The following RALGPS2 variants were observed in gnomAD, a reference collection of about 807,000 sequenced individuals.
RALGPS2 encodes the protein Ral GEF with PH domain and SH3 binding motif 2, also known as ras-specific guanine nucleotide-releasing factor RalGPS2.
Under a neutral mutation model 86.8 loss-of-function variants are expected in RALGPS2, and 43 were observed. That is an observed-to-expected ratio of 0.50 (90% confidence interval 0.39 to 0.64). The LOEUF (loss-of-function observed/expected upper bound fraction) is 0.64, where lower values mean the gene tolerates loss of function less well. Among genes scored for constraint, RALGPS2 ranks in the 30% least tolerant of loss-of-function variants. The probability of loss-of-function intolerance (pLI) is 0.00; values close to 1 mark genes in which losing one functional copy is unlikely to be tolerated. For synonymous variants in RALGPS2, 243 were observed against 231.3 expected (o/e 1.05, Z -0.46); for missense variants, 536 against 694.6 (o/e 0.77, Z 2.57).
rs2102225484 is a variant in RALGPS2 at position 178,821,648 on chromosome 1, G to T, written c.424G>T (p.Ala142Ser). ...GCTGAATAACCTTCATGCACTTATG[G>T]CAGTGGTTTCTGGCCTACAGAGTGC... The part of the protein sequence containing the change: ...YELNNLHALM[A>S]VVSGLQSAPI... Residue 142 changes from alanine to serine, a missense_variant, in exon 7 of 20, where the codon GCA becomes TCA. Ala to Ser is a moderately conservative substitution (Grantham distance 99, BLOSUM62 1). Around this residue, in one of 3 missense-constraint regions of RALGPS2, gnomAD observed 184 missense variants for 296.7 expected, o/e 0.62. Transcript: ENST00000367635. 1 of 1,613,400 alleles carries T rather than the reference G, an allele frequency of 6.2e-7. No individual in the cohort carries two copies. Among genetic ancestry groups the T allele is most frequent in the African/African-American group, 1.3e-5 (1 of 74,916 alleles).
intron 8 of RALGPS2, among the ~76,000 whole-genome samples, chr1:178,867,992 T>G (rs933891216): frequency 6.6e-6 from 1 of 151,938 alleles, no homozygotes; most frequent in Non-Finnish European, 1.5e-5. Context: ...GTATGGAGAA[T>G]TATTATTATT....
chr1:178,755,661 T>A lies in RALGPS2; in HGVS notation c.-83-21021T>A, dbSNP rs182353397. On this transcript the variant is annotated intron_variant, in intron 1 of 19. Coordinates refer to ENST00000367635, the MANE Select transcript of RALGPS2 (RefSeq NM_152663.5). ...GTGCTGTGATGAACATATGAGTGCG[T>A]GTGTCTTTTGGTAAGAACAATTTAT... Among the ~76,000 whole-genome samples the A allele has an allele frequency of 7.3e-4, 111 of 152,336 alleles. 1 individual carries two copies. Among genetic ancestry groups the A allele is most frequent in the Admixed American group, 3.3e-3 (50 of 15,296 alleles).
intron 8 of RALGPS2, among the ~76,000 whole-genome samples, chr1:178,868,263 G>T (rs943126267): frequency 6.6e-6 from 1 of 151,700 alleles, no homozygotes; most frequent in African/African-American, 2.4e-5. Flanking sequence ...CTCCAGATTC[G>T]TGGAATTTAG....
chr1:178,850,924 G>A (rs1657132108), intron 8 of RALGPS2: 1 of 422,356 alleles, frequency 2.4e-6, no homozygotes, highest in African/African-American at 2.0e-5. Context: ...AAATAACTAG[G>A]TTGTGGATAC....
intron 18 of RALGPS2, among the ~76,000 whole-genome samples, chr1:178,906,287 A>C (rs1212885866): frequency 1.3e-5 from 2 of 152,088 alleles, no homozygotes; most frequent in East Asian, 1.9e-4. Context: ...AGACACGAGA[A>C]TCTCATAAAG....
At chr1:178,731,759 T>G (rs576389585) in intron 1 of RALGPS2, among the ~76,000 whole-genome samples, 1 of 152,164 alleles carries the variant, frequency 6.6e-6, no homozygotes, top group East Asian at 1.9e-4. Context: ...TAGTGGGCGC[T>G]TTCAACCAGC....
chr1:178,793,900 G>T (rs1654069849), intron 4 of RALGPS2, among the ~76,000 whole-genome samples: 1 of 152,014 alleles, frequency 6.6e-6, no homozygotes, highest in Admixed American at 6.6e-5. Context: ...ATATTTTCAG[G>T]TTTCTTCCCT....
chr1:178,825,887 A>G (rs1362027286), intron 7 of RALGPS2, among the ~76,000 whole-genome samples: 1 of 152,214 alleles, frequency 6.6e-6, no homozygotes, highest in Non-Finnish European at 1.5e-5. Context: ...TCAATTTAAT[A>G]GAAGCTGGAG....
chr1:178,831,723 G>A (rs1191452634), intron 7 of RALGPS2, among the ~76,000 whole-genome samples: 1 of 142,956 alleles, frequency 7.0e-6, no homozygotes, highest in Non-Finnish European at 1.5e-5. Context: ...TTGAAAAGAA[G>A]AAAGAAAAGG....
intron 1 of RALGPS2, among the ~76,000 whole-genome samples, chr1:178,754,251 A>G (rs1651839954): frequency 6.6e-6 from 1 of 150,922 alleles, no homozygotes; most frequent in African/African-American, 2.4e-5. Flanking sequence ...TATAATCCTT[A>G]TATAATTACA....
intron 8 of RALGPS2, among the ~76,000 whole-genome samples, chr1:178,834,116 G>A (rs1656155340): frequency 6.6e-6 from 1 of 152,054 alleles, no homozygotes; most frequent in Non-Finnish European, 1.5e-5. Flanking sequence ...AATATTATAA[G>A]ATTATTTTTA....
chr1:178,917,187 C>G lies in RALGPS2; in HGVS notation c.*828C>G, dbSNP rs1343030809. 6.6e-6 allele frequency: 1 copy of G among 152,012 alleles called. No homozygotes were observed. The highest frequency in any genetic ancestry group is 1.5e-5 in the Non-Finnish European group (1 of 67,982). The allele number at this position is 152,012 out of a possible 1,614,324, so 9.4% of individuals were successfully genotyped here. A position where few individuals can be genotyped will look rare whatever the true frequency, so the allele number is the denominator to read the frequency against. The stretch of plus-strand genomic sequence containing the variant: ...CTTTCTATATGAATTCATTGTTGGA[C>G]CACAGATCTGCTTAAGTAAAGAGCT... On this transcript the variant is annotated 3_prime_UTR_variant, in exon 20 of 20. Transcript: ENST00000367635.
At chr1:178,731,413 G>A (rs1650352307) in intron 1 of RALGPS2, among the ~76,000 whole-genome samples, 1 of 149,934 alleles carries the variant, frequency 6.7e-6, no homozygotes, top group Non-Finnish European at 1.5e-5. Context: ...CTCCTAAGTA[G>A]CTGGGATTAC....
At chr1:178,756,236 G>A (rs1341443058) in intron 1 of RALGPS2, among the ~76,000 whole-genome samples, 1 of 152,032 alleles carries the variant, frequency 6.6e-6, no homozygotes, top group Non-Finnish European at 1.5e-5. Flanking sequence ...TATTTCCCAA[G>A]GCACATGTCC....
chr1:178,733,627 G>A (rs1650519727), intron 1 of RALGPS2, among the ~76,000 whole-genome samples: 1 of 152,206 alleles, frequency 6.6e-6, no homozygotes, highest in African/African-American at 2.4e-5. Context: ...TTGAAAATTG[G>A]TACAGCCACT....
Position 178,920,408 on chromosome 1 carries a change from A to G in RALGPS2, c.*4049A>G, listed in dbSNP as rs1420925506. The G allele has an allele frequency of 5.9e-5, 9 of 152,014 alleles. No homozygotes were observed. Among genetic ancestry groups the G allele is most frequent in the African/African-American group, 2.2e-4 (9 of 41,428 alleles). The allele number at this position is 152,014 out of a possible 1,614,324, so 9.4% of individuals were successfully genotyped here. On this transcript the variant is annotated 3_prime_UTR_variant, in exon 20 of 20. Coordinates refer to ENST00000367635, the MANE Select transcript of RALGPS2 (RefSeq NM_152663.5). ...TTTGAAGAGCAATTTTAGGGCATCA[A>G]GTATGACAATAATCATGTGCCCTCT...
chr1:178,765,724 A>G (rs1652471792), intron 1 of RALGPS2, among the ~76,000 whole-genome samples: 1 of 152,206 alleles, frequency 6.6e-6, no homozygotes, highest in Admixed American at 6.5e-5. Flanking sequence ...CATAAAAGAC[A>G]GACATTCCCA....
intron 19 of RALGPS2, among the ~76,000 whole-genome samples, chr1:178,912,455 G>A (rs1295224952): frequency 6.6e-6 from 1 of 152,110 alleles, no homozygotes; most frequent in African/African-American, 2.4e-5. Flanking sequence ...GCTTAGTTTG[G>A]TGGGACATGA....
chr1:178,820,051 C>T (rs1454295456), intron 6 of RALGPS2, among the ~76,000 whole-genome samples: 1 of 152,202 alleles, frequency 6.6e-6, no homozygotes, highest in Non-Finnish European at 1.5e-5. Context: ...ATCACCTCCA[C>T]CTCCTGCTTA....
Sources: gnomAD v4.1 joint callset for allele counts (sites outside exome capture counted in the v4.1 genomes callset) on GRCh38, gnomAD v4.1.1 for gene constraint, gnomAD v4.1.1 regional missense constraint, MANE v1.5 for transcripts, NCBI Gene and HGNC (gene_info 2026-07-23, HGNC 2026-07-21) for gene names.